LRRC41: variants seen among roughly 807,000 people sequenced by gnomAD.
LRRC41 encodes leucine-rich repeat-containing protein 41.
A neutral mutation model predicts 72.1 loss-of-function variants in LRRC41; 17 were observed. The observed-to-expected ratio is 0.24, with a 90% CI of 0.16 to 0.35. LRRC41 has a LOEUF of 0.35. LRRC41 is among the 10% of genes least tolerant of loss of function. The pLI is 1.00. For missense variants in LRRC41, 759 were observed against 1,065.0 expected (o/e 0.71, Z 4.00); for synonymous variants, 427 against 431.0 (o/e 0.99, Z 0.11).
At position 46,286,986 on chromosome 1, in the gene LRRC41, T is replaced by C. The variant is rs1246955991; in HGVS notation, c.358-487A>G. On this transcript the variant is annotated intron_variant, in intron 3 of 9. Coordinates refer to ENST00000617190, the MANE Select transcript of LRRC41 (RefSeq NM_006369.5). This position sits in a 1 kb window ranked among gnomAD's most constrained non-coding sequence, Gnocchi z 5.5. ...GGCGCCCGCCACCACACCTGGCTAATTTTTGTATGTTTCATCATATTGACC... is the reference window on the plus strand; with the variant it reads ...GGCGCCCGCCACCACACCTGGCTAACTTTTGTATGTTTCATCATATTGACC... Among the ~76,000 whole-genome samples the C allele has an allele frequency of 1.3e-5, 2 of 151,616 alleles. No homozygotes were observed. Among genetic ancestry groups the C allele is most frequent in the Non-Finnish European group, 2.9e-5 (2 of 67,936 alleles).
At chr1:46,281,038 T>C (rs1660763101) in intron 5 of LRRC41, 87 bp downstream of exon 5, 2 of 1,544,952 alleles carry the variant, frequency 1.3e-6, no homozygotes, top group Admixed American at 1.8e-5. Context: ...GAAGAGGTCC[T>C]TCCCCTTTCC....
Position 46,278,322 on chromosome 1 carries a change from T to A in LRRC41, c.*543A>T. On this transcript the variant is annotated 3_prime_UTR_variant, in exon 10 of 10. Coordinates refer to ENST00000617190, the MANE Select transcript of LRRC41 (RefSeq NM_006369.5). The stretch of plus-strand genomic sequence containing the variant: ...GGGTGTAGCTCTTAGAGGAAGGAGA[T>A]AGGGAAAAGGGGCTCCTTGCTCCAC... The A allele has an allele frequency of 6.4e-7, 1 of 1,565,278 alleles. No individual in the cohort carries two copies. The highest frequency in any genetic ancestry group is 8.7e-7 in the Non-Finnish European group (1 of 1,150,580).
In LRRC41 at chr1:46,279,912, C is replaced by T. The variant is rs28363252; in HGVS notation, c.2020+280G>A. 3.3e-3 allele frequency among the ~76,000 whole-genome samples: 500 copies of T among 152,302 alleles called. No individual in the cohort carries two copies. Among genetic ancestry groups the T allele is most frequent in the Non-Finnish European group, 4.8e-3 (328 of 68,026 alleles). ...ATCAGAGAAAAGTCTATGAGGGGAG[C>T]CTGGCACAGTACATTTATTTTGCCC... is the stretch of plus-strand genomic sequence containing the variant. On this transcript the variant is annotated intron_variant, in intron 7 of 9. Transcript: ENST00000617190. The surrounding 1 kb of genome is among the most constrained non-coding windows in gnomAD (Gnocchi z 4.5).
In LRRC41 at chr1:46,285,315, G is replaced by T. The variant is rs866779688; in HGVS notation, c.1495+47C>A. On this transcript the variant is annotated intron_variant, in intron 4 of 9. Coordinates refer to ENST00000617190, the MANE Select transcript of LRRC41 (RefSeq NM_006369.5). The surrounding 1 kb of genome is among the most constrained non-coding windows in gnomAD (Gnocchi z 5.3). ...CCCTAGAATTAGGCACACAGCTGGT[G>T]CTGCTAGGCAATCTAAGCCCAATCC... 1.3e-6 allele frequency: 2 copies of T among 1,593,892 alleles called. No individual in the cohort carries two copies. The highest frequency in any genetic ancestry group is 1.7e-6 in the Non-Finnish European group (2 of 1,167,880).
chr1:46,282,076 C>CA (rs11284020), intron 4 of LRRC41, among the ~76,000 whole-genome samples: 9,989 of 118,406 alleles, frequency 0.084, 923 homozygotes, highest in African/African-American at 0.25. Context: ...AAGACTGTCT[C>CA]AAAAAAAAAA....
At chr1:46,294,288 T>G (rs1178695550) in intron 3 of LRRC41, among the ~76,000 whole-genome samples, 2 of 151,978 alleles carry the variant, frequency 1.3e-5, no homozygotes. Flanking sequence ...TTCTATTTTT[T>G]GTAGAGACGG....
Position 46,281,224 on chromosome 1 carries a change from G to T in LRRC41, c.1657C>A (p.Leu553Ile), listed in dbSNP as rs369526062. 1 of 1,614,100 alleles carries T rather than the reference G, an allele frequency of 6.2e-7. No homozygotes were observed. Among genetic ancestry groups the T allele is most frequent in the Non-Finnish European group, 8.5e-7 (1 of 1,180,054 alleles). ...IVRALPLLRVLSIRVDHPSQR... is the reference protein window; with the variant it reads ...IVRALPLLRVISIRVDHPSQR... Reference sequence around the variant, plus strand: ...CTTGGGTGGTCAACACGAATAGAGAGGACCCGTAGCAGGGGCAGTGCTCGC... The same window carrying T: ...CTTGGGTGGTCAACACGAATAGAGATGACCCGTAGCAGGGGCAGTGCTCGC... The change falls in exon 5 of 10, where the codon CTC becomes ATC. Residue 553 changes from leucine (L) to isoleucine (I), a missense_variant. Physicochemically the swap from Leu to Ile is conservative, Grantham distance 5. Transcript: ENST00000617190.
chr1:46,298,412 C>A, intron 1 of LRRC41, 42 bp from the exon 2 acceptor site: 1 of 1,257,760 alleles, frequency 8.0e-7, no homozygotes, highest in Non-Finnish European at 1.1e-6. Context: ...CTCCCCTCCC[C>A]CTCCCACCCA....
rs1660697636 is a variant in LRRC41 at position 46,278,692 on chromosome 1, T to C, written c.*173A>G. On this transcript the variant is annotated 3_prime_UTR_variant, in exon 10 of 10. Transcript: ENST00000617190. ...TAAACCCAGCTGTGAGAATGCCTGT[T>C]TGCTGGGCCTCATCAAGGCCTCCAG... 4.6e-6 allele frequency: 3 copies of C among 653,390 alleles called. No homozygotes were observed. The South Asian group carries it at 5.8e-5, about 13-fold the overall frequency. The allele number at this position is 653,390 out of a possible 1,614,324, so 40.5% of individuals were successfully genotyped here.
intron 3 of LRRC41, among the ~76,000 whole-genome samples, chr1:46,287,142 T>A (rs1660900866): frequency 6.6e-6 from 1 of 151,184 alleles, no homozygotes; most frequent in Admixed American, 6.6e-5. Flanking sequence ...GGAGTCTCAC[T>A]CTGTCGCCCA....
chr1:46,297,718 C>T, intron 2 of LRRC41, 85 bp from the exon 3 acceptor site: 1 of 1,010,798 alleles, frequency 9.9e-7, no homozygotes, highest in Admixed American at 1.7e-5. Context: ...TCTGGGTTCA[C>T]AGGAGCAATA....
At position 46,277,596 on chromosome 1, in the gene LRRC41, G is replaced by T; in HGVS notation, c.*1269C>A. ...GGCCCTGGGACCCTTCATTAGTATA[G>T]AAAGTAGCCTGGGTGGGCAGACTAT... On this transcript the variant is annotated 3_prime_UTR_variant, in exon 10 of 10. Coordinates refer to ENST00000617190, the MANE Select transcript of LRRC41 (RefSeq NM_006369.5). The T allele has an allele frequency of 1.7e-6, 1 of 597,746 alleles. No homozygotes were observed. Among genetic ancestry groups the T allele is most frequent in the African/African-American group, 1.9e-5 (1 of 54,048 alleles). 37.0% of individuals were successfully genotyped at this position (597,746 alleles called of 1,614,324 possible).
At chr1:46,299,982 A>ATT (rs1661192381) in intron 1 of LRRC41, 2 of 152,218 alleles carry the variant, frequency 1.3e-5, no homozygotes, top group African/African-American at 4.8e-5. Flanking sequence ...ATGCCCAGCC[A>ATT]TAATAAGCTC....
intron 3 of LRRC41, among the ~76,000 whole-genome samples, chr1:46,289,609 AAAT>A (rs1033386441): frequency 1.0e-3 from 158 of 151,996 alleles, no homozygotes; most frequent in African/African-American, 3.6e-3. Context: ...AAAATACAAA[AAAT>A]TCGCCGGGCG....
At chr1:46,296,960 C>T (rs1661137609) in intron 3 of LRRC41, 1 of 152,168 alleles carries the variant, frequency 6.6e-6, no homozygotes, top group South Asian at 2.1e-4. Flanking sequence ...AAAACATCTC[C>T]AGTTGTCCCA....
rs1660770786 is a variant in LRRC41 at position 46,281,335 on chromosome 1, C to G, written c.1546G>C (p.Gly516Arg). The G allele has an allele frequency of 1.9e-6, 3 of 1,614,076 alleles. No homozygotes were observed. Among genetic ancestry groups the G allele is most frequent in the African/African-American group, 1.3e-5 (1 of 74,942 alleles). The change falls in exon 5 of 10, where the codon GGC becomes CGC. Residue 516 changes from glycine (G) to arginine (R), a missense_variant. Around this residue, in one of 4 missense-constraint regions of LRRC41, gnomAD observed 427 missense variants for 520.9 expected, o/e 0.82. Transcript: ENST00000617190. Reference protein sequence around the residue: ...RLLDSLRALSGQAGCRLRALH... With the variant: ...RLLDSLRALSRQAGCRLRALH... ...GCACGGAGGCGACATCCAGCCTGGC[C>G]TGACAGGGCCCGCAGGCTGTCTAGC... is the stretch of plus-strand genomic sequence containing the variant.
intron 2 of LRRC41, 114 bp from the exon 3 acceptor site, chr1:46,297,747 C>T: frequency 1.3e-6 from 1 of 740,754 alleles, no homozygotes; most frequent in Non-Finnish European, 2.4e-6. Context: ...TGATTAAGGG[C>T]ACTGGCTCTA....
In LRRC41 at chr1:46,278,010, A is replaced by G; in HGVS notation, c.*855T>C. The G allele has an allele frequency of 1.2e-6, 2 of 1,614,180 alleles. No individual in the cohort carries two copies. Among genetic ancestry groups the G allele is most frequent in the Non-Finnish European group, 1.7e-6 (2 of 1,180,020 alleles). On this transcript the variant is annotated 3_prime_UTR_variant, in exon 10 of 10. Coordinates refer to ENST00000617190, the MANE Select transcript of LRRC41 (RefSeq NM_006369.5). The stretch of plus-strand genomic sequence containing the variant: ...GGAAGTGCCCTAACCATTATCTCTA[A>G]GCTACCCACACAGTAGGGAGATGGG...
In LRRC41 at chr1:46,286,377, G is replaced by A. The variant is rs750126945; in HGVS notation, c.480C>T (p.Ser160=). The A allele has an allele frequency of 3.7e-6, 6 of 1,614,220 alleles. No individual in the cohort carries two copies. The South Asian group carries it at 6.6e-5, about 18-fold the overall frequency. ...CDQRFSPLLH[S]SRHVRQLTIC... ...TGGTGAGCTGTCGGACATGGCGGGA[G>A]CTGTGCAGAAGAGGTGAGAACCGCT... Residue 160 remains serine, a synonymous_variant, in exon 4 of 10, where the codon AGC becomes AGT. Transcript: ENST00000617190. The surrounding 1 kb of genome is among the most constrained non-coding windows in gnomAD (Gnocchi z 5.5).
Sources: allele counts gnomAD v4.1 joint callset (sites outside exome capture counted in the v4.1 genomes callset), GRCh38; gene constraint gnomAD v4.1.1; regional missense constraint gnomAD v4.1.1; non-coding constraint Gnocchi (gnomAD v3.1); transcripts MANE v1.5; gene names NCBI Gene and HGNC (gene_info 2026-07-23, HGNC 2026-07-21).